The following ITGA8 variants were observed in gnomAD, a reference collection of about 807,000 sequenced individuals.
ITGA8 encodes integrin subunit alpha 8, also known as integrin alpha-8.
Under a neutral mutation model 142.3 loss-of-function variants are expected in ITGA8, and 91 were observed. The ratio of observed to expected loss-of-function variants is 0.64; its 90% CI spans 0.54 to 0.76. The LOEUF is 0.76. Ranked by LOEUF, ITGA8 falls within the 30% of genes least tolerant of loss-of-function variation. The pLI is 0.00. For missense variants in ITGA8, 1,406 were observed against 1,327.7 expected (o/e 1.06, Z -0.92); for synonymous variants, 505 against 485.2 (o/e 1.04, Z -0.54).
chr10:15,671,461 C>T, intron 8 of ITGA8, 142 bp downstream of exon 8: 1 of 592,746 alleles, frequency 1.7e-6, no homozygotes, highest in South Asian at 2.5e-5. Flanking sequence ...AGTATTTTTT[C>T]TACAAAGTAT....
intron 20 of ITGA8, among the ~76,000 whole-genome samples, chr10:15,598,542 C>T (rs888407837): frequency 1.3e-5 from 2 of 152,180 alleles, no homozygotes; most frequent in Non-Finnish European, 2.9e-5. Context: ...AGAATATAAG[C>T]TTCAAGAAGG....
chr10:15,655,598 A>G (rs1834169825), intron 10 of ITGA8, among the ~76,000 whole-genome samples, 192 bp from the exon 11 acceptor site: 1 of 152,104 alleles, frequency 6.6e-6, no homozygotes, highest in Admixed American at 6.5e-5. Context: ...TTTTCCCCAT[A>G]ATAACCCTGA....
rs1833990208 is a variant in ITGA8 at position 15,646,892 on chromosome 10, ACCGAATCT to A, written c.1153_1160del (p.Arg385Ter). ...GGTCTCCTAAGTGTGCCATAGCACT[ACCGAATCT>A]CCCAAACGTCTCGGTGCCAGTGAGG... is the stretch of plus-strand genomic sequence containing the variant. On this transcript the variant is annotated frameshift_variant, in exon 12 of 30. Coordinates refer to ENST00000378076, the MANE Select transcript of ITGA8 (RefSeq NM_003638.3). LOFTEE classifies it high-confidence loss of function. 3 of 1,613,754 alleles carry A rather than the reference ACCGAATCT, an allele frequency of 1.9e-6. No homozygotes were observed. Among genetic ancestry groups the A allele is most frequent in the Non-Finnish European group, 2.5e-6 (3 of 1,179,992 alleles).
chr10:15,537,366 G>A (rs182718332), intron 27 of ITGA8, among the ~76,000 whole-genome samples: 144 of 152,296 alleles, frequency 9.5e-4, no homozygotes, highest in African/African-American at 3.3e-3. Flanking sequence ...AGAAATTTGG[G>A]CTAAGGATGT....
In ITGA8 at chr10:15,679,092, T is replaced by C. The variant is rs9333094; in HGVS notation, c.569-309A>G. On this transcript the variant is annotated intron_variant, in intron 4 of 29. Coordinates refer to ENST00000378076, the MANE Select transcript of ITGA8 (RefSeq NM_003638.3). Reference sequence around the variant, plus strand: ...AATAAAATCTCTATCTTTGACTATATTCCAAATTTCCCATGAGGCAATAAC... The same window carrying C: ...AATAAAATCTCTATCTTTGACTATACTCCAAATTTCCCATGAGGCAATAAC... Among the ~76,000 whole-genome samples the C allele has an allele frequency of 1.8e-3, 281 of 152,268 alleles. 2 individuals are homozygous for C. The highest frequency in any genetic ancestry group is 6.4e-3 in the African/African-American group (266 of 41,556).
At position 15,719,613 on chromosome 10, in the gene ITGA8, C is replaced by G; in HGVS notation, c.159G>C (p.Lys53Asn). 2 of 1,561,258 alleles carry G rather than the reference C, an allele frequency of 1.3e-6. No homozygotes were observed. Among genetic ancestry groups the G allele is most frequent in the Non-Finnish European group, 8.6e-7 (1 of 1,161,448 alleles). ...CCACGGCGTAGCCGAAGTAGCTGCC[C>G]TTGGGGCCGCTGTACACTGTGAGCT... ...VEKLTVYSGP[K>N]GSYFGYAVDF... The change falls in exon 1 of 30, where the codon AAG becomes AAC. Residue 53 changes from lysine (K) to asparagine (N), a missense_variant. Lys to Asn is a moderately conservative substitution (Grantham distance 94). Transcript: ENST00000378076.
intron 2 of ITGA8, among the ~76,000 whole-genome samples, chr10:15,698,409 T>G (rs915772010): frequency 6.6e-6 from 1 of 152,212 alleles, no homozygotes; most frequent in African/African-American, 2.4e-5. Flanking sequence ...TGACTTCTTT[T>G]CATCTGGGTA....
chr10:15,687,144 G>A (rs1261109526), intron 3 of ITGA8, among the ~76,000 whole-genome samples: 1 of 152,118 alleles, frequency 6.6e-6, no homozygotes, highest in Non-Finnish European at 1.5e-5. Context: ...CCTGTTTTAT[G>A]TCAAAATCTT....
In ITGA8 at chr10:15,659,046, T is replaced by G. The variant is rs375739322; in HGVS notation, c.901A>C (p.Ile301Leu). The G allele has an allele frequency of 1.7e-5, 28 of 1,606,598 alleles. No individual in the cohort carries two copies. Among genetic ancestry groups the G allele is most frequent in the Non-Finnish European group, 2.2e-5 (26 of 1,175,584 alleles). ...ATAAACGTCATATCCGTAGAGTTAA[T>G]GATGGAAACCTGAAATCACAGAAAT... ...GAQNFGYVSIINSTDMTFIQN... is the reference protein window; with the variant it reads ...GAQNFGYVSILNSTDMTFIQN... The change falls in exon 10 of 30, where the codon ATT (isoleucine) becomes CTT (leucine). Residue 301 changes from isoleucine to leucine, a missense_variant. Ile to Leu is a conservative substitution (Grantham distance 5). Transcript: ENST00000378076.
intron 13 of ITGA8, among the ~76,000 whole-genome samples, chr10:15,633,525 T>C (rs372364649): frequency 1.3e-5 from 2 of 152,166 alleles, no homozygotes; most frequent in African/African-American, 4.8e-5. Context: ...CCTCCGCCTC[T>C]CAGGTTCAAG....
chr10:15,602,832 A>G (rs1833127624), intron 20 of ITGA8, among the ~76,000 whole-genome samples: 1 of 152,220 alleles, frequency 6.6e-6, no homozygotes, highest in African/African-American at 2.4e-5. Context: ...TTGAAATAAC[A>G]GGGAAATGAA....
At chr10:15,531,395 C>T (rs1833290564) in intron 27 of ITGA8, among the ~76,000 whole-genome samples, 1 of 152,144 alleles carries the variant, frequency 6.6e-6, no homozygotes, top group Non-Finnish European at 1.5e-5. Context: ...TCCAAGCATC[C>T]ATCTATCCAA....
At chr10:15,665,465 T>A (rs1419206958) in intron 8 of ITGA8, among the ~76,000 whole-genome samples, 1 of 152,190 alleles carries the variant, frequency 6.6e-6, no homozygotes, top group Non-Finnish European at 1.5e-5. Flanking sequence ...ATTTTTTAGG[T>A]TGCCTGTTCA....
In ITGA8 at chr10:15,623,744, C is replaced by T. The variant is rs900112775; in HGVS notation, c.1400-7185G>A. Among the ~76,000 whole-genome samples the T allele has an allele frequency of 3.3e-5, 5 of 152,092 alleles. No homozygotes were observed. The East Asian group carries it at 9.7e-4, about 29-fold the overall frequency. On this transcript the variant is annotated intron_variant, in intron 13 of 29. Coordinates refer to ENST00000378076, the MANE Select transcript of ITGA8 (RefSeq NM_003638.3). ...AGATACATTTTATTATGATAAATTT[C>T]ATCCTTTTTAGTAAGCAGAGCTAAG...
chr10:15,642,134 A>G (rs527547088), intron 13 of ITGA8, among the ~76,000 whole-genome samples: 25 of 152,178 alleles, frequency 1.6e-4, no homozygotes, highest in Non-Finnish European at 3.1e-4. Flanking sequence ...CTCAGAAAAA[A>G]AAAGGAAAAG....
At chr10:15,583,444 C>A in intron 23 of ITGA8, among the ~76,000 whole-genome samples, 1 of 152,126 alleles carries the variant, frequency 6.6e-6, no homozygotes, top group East Asian at 1.9e-4. Context: ...AGCAAACCAT[C>A]ATGGCACTTG....
chr10:15,717,552 A>G (rs1359155259), intron 2 of ITGA8, among the ~76,000 whole-genome samples: 3 of 152,190 alleles, frequency 2.0e-5, no homozygotes, highest in African/African-American at 4.8e-5. Flanking sequence ...CTCAAATTTA[A>G]AAGTAAAAGC....
chr10:15,627,352 C>T (rs529707783), intron 13 of ITGA8, among the ~76,000 whole-genome samples: 129 of 152,274 alleles, frequency 8.5e-4, no homozygotes, highest in Non-Finnish European at 7.6e-4. Flanking sequence ...GGCTGAGCAT[C>T]CCCCAGACAA....
At chr10:15,674,862 C>T (rs1045407916) in intron 6 of ITGA8, among the ~76,000 whole-genome samples, 2 of 151,980 alleles carry the variant, frequency 1.3e-5, no homozygotes, top group African/African-American at 2.4e-5. Context: ...ATCACTTAAA[C>T]CTGGGAGGCA....
Sources: allele counts gnomAD v4.1 joint callset (sites outside exome capture counted in the v4.1 genomes callset), GRCh38; gene constraint gnomAD v4.1.1; transcripts MANE v1.5; gene names NCBI Gene and HGNC (gene_info 2026-07-23, HGNC 2026-07-21).